The following CEP112 variants were observed in gnomAD, a reference collection of about 807,000 sequenced individuals.
CEP112 encodes centrosomal protein 112, also known as centrosomal protein of 112 kDa.
A neutral mutation model predicts 153.0 loss-of-function variants in CEP112; 127 were observed. The observed-to-expected ratio is 0.83, with a 90% CI of 0.72 to 0.96. The LOEUF is 0.96. Ranked by LOEUF, CEP112 falls within the 40% of genes least tolerant of loss-of-function variation. CEP112 has a pLI of 0.00. For missense variants in CEP112, 1,089 were observed against 1,101.2 expected (o/e 0.99, Z 0.16); for synonymous variants, 358 against 374.4 (o/e 0.96, Z 0.51).
chr17:65,643,851 T>C (rs944480734), intron 24 of CEP112, among the ~76,000 whole-genome samples: 2 of 152,194 alleles, frequency 1.3e-5, no homozygotes, highest in African/African-American at 2.4e-5. Flanking sequence ...AGCAGAAAAT[T>C]TGGCAAATAT....
intron 17 of CEP112, among the ~76,000 whole-genome samples, chr17:65,979,232 A>C (rs2063143303): frequency 7.2e-6 from 1 of 139,324 alleles, no homozygotes; most frequent in Non-Finnish European, 1.5e-5. Flanking sequence ...GTTTATTTTT[A>C]ATTTTATTTA....
rs148241385 is a variant in CEP112 at position 65,997,273 on chromosome 17, C to T, written c.1736+8417G>A. ...AAGCTCTCTTTCCTATTCTATAATC[C>T]ATAAGCCTCCTAACAGCATCTCTTA... On this transcript the variant is annotated intron_variant, in intron 17 of 26. Coordinates refer to ENST00000535342, the MANE Select transcript of CEP112 (RefSeq NM_001199165.4). Among the ~76,000 whole-genome samples the T allele has an allele frequency of 1.6e-3, 241 of 152,214 alleles. 2 individuals carry two copies. The highest frequency in any genetic ancestry group is 5.5e-3 in the African/African-American group (229 of 41,538).
chr17:66,006,764 T>C (rs1265833593), intron 16 of CEP112, among the ~76,000 whole-genome samples: 2 of 152,138 alleles, frequency 1.3e-5, no homozygotes, highest in Non-Finnish European at 2.9e-5. Flanking sequence ...TCTACATACA[T>C]GGCAACTGAG....
intron 12 of CEP112, among the ~76,000 whole-genome samples, chr17:66,040,043 T>C (rs952519120): frequency 3.9e-5 from 6 of 152,210 alleles, no homozygotes; most frequent in South Asian, 2.1e-4. Context: ...GATGCACACA[T>C]GTACAGATTT....
At chr17:65,825,325 C>T (rs1436282730) in intron 21 of CEP112, among the ~76,000 whole-genome samples, 1 of 152,140 alleles carries the variant, frequency 6.6e-6, no homozygotes, top group Admixed American at 6.6e-5. Context: ...GACAACATTT[C>T]CACAGGATGA....
intron 19 of CEP112, among the ~76,000 whole-genome samples, chr17:65,905,744 A>G (rs1448633602): frequency 6.6e-6 from 1 of 152,114 alleles, no homozygotes; most frequent in East Asian, 1.9e-4. Flanking sequence ...CTTGGCTAAC[A>G]TGGTGAAACC....
chr17:66,154,870 A>C (rs565859046), intron 4 of CEP112, among the ~76,000 whole-genome samples: 1 of 152,336 alleles, frequency 6.6e-6, no homozygotes, highest in Admixed American at 6.5e-5. Context: ...TTATAACAAT[A>C]TTAAGAGGTG....
intron 20 of CEP112, among the ~76,000 whole-genome samples, chr17:65,897,201 T>C (rs537977073): frequency 2.0e-5 from 3 of 152,030 alleles, no homozygotes; most frequent in Non-Finnish European, 2.9e-5. Flanking sequence ...GGGGGAAAAA[T>C]AGAGTTTACA....
At chr17:65,839,334 G>T (rs1183753782) in intron 21 of CEP112, among the ~76,000 whole-genome samples, 1 of 151,858 alleles carries the variant, frequency 6.6e-6, no homozygotes, top group African/African-American at 2.4e-5. Flanking sequence ...TTTATCCTGG[G>T]GATGCAAGGA....
chr17:65,898,980 T>C (rs891726188), intron 20 of CEP112, among the ~76,000 whole-genome samples: 2 of 152,216 alleles, frequency 1.3e-5, no homozygotes, highest in African/African-American at 2.4e-5. Flanking sequence ...ACCTATGTTC[T>C]ATTTTTCCTC....
intron 8 of CEP112, among the ~76,000 whole-genome samples, chr17:66,074,721 G>C: frequency 6.6e-6 from 1 of 151,912 alleles, no homozygotes. Context: ...AAATTAGCTG[G>C]GCGTGGTGGC....
chr17:65,999,509 CT>C (rs2063931541), intron 17 of CEP112, among the ~76,000 whole-genome samples: 1 of 151,852 alleles, frequency 6.6e-6, no homozygotes, highest in South Asian at 2.1e-4. Flanking sequence ...CCAGAAATTA[CT>C]AAATTATTTT....
chr17:65,686,306 C>T (rs981220727), intron 24 of CEP112, among the ~76,000 whole-genome samples: 4 of 151,786 alleles, frequency 2.6e-5, no homozygotes, highest in Non-Finnish European at 4.4e-5. Flanking sequence ...ATTGTCACTA[C>T]AAAGATGAAA....
intron 18 of CEP112, among the ~76,000 whole-genome samples, chr17:65,951,749 C>CCCACCCG (rs71160510): frequency 1.9e-5 from 2 of 106,148 alleles, no homozygotes; most frequent in Admixed American, 1.1e-4. Context: ...CCCCGCCCCC[C>CCCACCCG]CCTTTCTTCC....
chr17:66,028,775 A>G (rs2145706225), intron 14 of CEP112, among the ~76,000 whole-genome samples: 1 of 152,128 alleles, frequency 6.6e-6, no homozygotes, highest in East Asian at 1.9e-4. Context: ...TGAAAGCAGA[A>G]CCAAGATTTC....
At chr17:65,886,308 A>C (rs1288938410) in intron 20 of CEP112, among the ~76,000 whole-genome samples, 2 of 152,220 alleles carry the variant, frequency 1.3e-5, no homozygotes, top group African/African-American at 2.4e-5. Flanking sequence ...CAGTACACTG[A>C]GTAAGAAGTT....
chr17:65,831,105 A>C (rs970357513), intron 21 of CEP112, among the ~76,000 whole-genome samples: 7 of 152,244 alleles, frequency 4.6e-5, no homozygotes, highest in Non-Finnish European at 8.8e-5. Flanking sequence ...AAAATAGAGA[A>C]AGTGGATGTC....
chr17:65,918,458 G>T (rs2060577230), intron 19 of CEP112, among the ~76,000 whole-genome samples: 1 of 151,572 alleles, frequency 6.6e-6, no homozygotes. Context: ...TTTGTTTTTT[G>T]TTTTTTTTGT....
chr17:65,854,939 T>C (rs1016245818), intron 20 of CEP112, among the ~76,000 whole-genome samples: 2 of 152,190 alleles, frequency 1.3e-5, no homozygotes, highest in African/African-American at 2.4e-5. Flanking sequence ...GTTATGTGTT[T>C]GGGAGGCAGA....
Sources: allele counts gnomAD v4.1 joint callset (sites outside exome capture counted in the v4.1 genomes callset), GRCh38; gene constraint gnomAD v4.1.1; transcripts MANE v1.5; gene names NCBI Gene and HGNC (gene_info 2026-07-23, HGNC 2026-07-21).